GOLGA3: variants seen among roughly 807,000 people sequenced by gnomAD.
GOLGA3 encodes golgin A3.
GOLGA3 carries 75 observed loss-of-function variants against 169.4 expected under a neutral mutation model. That is an observed-to-expected ratio of 0.44 (90% CI 0.37 to 0.54). The LOEUF (loss-of-function observed/expected upper bound fraction) is 0.54. Among genes scored for constraint, GOLGA3 ranks in the 20% least tolerant of loss-of-function variants. GOLGA3 has a pLI of 0.00. For missense variants in GOLGA3, 1,899 were observed against 1,930.0 expected (o/e 0.98, Z 0.30); for synonymous variants, 824 against 822.4 (o/e 1.00, Z -0.03).
chr12:132,779,154 C>T (rs1233324321), intron 18 of GOLGA3, among the ~76,000 whole-genome samples: 2 of 152,086 alleles, frequency 1.3e-5, no homozygotes, highest in Non-Finnish European at 2.9e-5. Flanking sequence ...GATCTTGGCT[C>T]ACCACAACCT....
chr12:132,782,389 G>C lies in GOLGA3; in HGVS notation c.3372C>G (p.Leu1124=), dbSNP rs371259067. The change falls in exon 17 of 24, where the codon CTC becomes CTG. Residue 1124 remains leucine, a synonymous_variant. Transcript: ENST00000450791. ...LEHEKGKLTG[L]GQSNAALREH... The stretch of plus-strand genomic sequence containing the variant: ...CCCGCAGAGCTGCGTTGGACTGACC[G>C]AGGCCCGTAAGCTTCCCTTTCTCGT... The C allele has an allele frequency of 4.3e-6, 7 of 1,614,212 alleles. No homozygotes were observed. Among genetic ancestry groups the C allele is most frequent in the Non-Finnish European group, 5.1e-6 (6 of 1,180,016 alleles).
chr12:132,811,751 T>A (rs1949717904), intron 4 of GOLGA3: 16 of 253,940 alleles, frequency 6.3e-5, no homozygotes, highest in Non-Finnish European at 9.0e-5. Context: ...TGTGAGCCAC[T>A]GCACCCAGCC....
rs866008346 is a variant in GOLGA3, at chr12:132,808,195, C to T, written c.874G>A (p.Asp292Asn). ...GTGTTCTCCAGACGGTCGTCAGTGTCGGGGGACAGGCTGATCTCAGACACA... is the reference window on the plus strand; with the variant it reads ...GTGTTCTCCAGACGGTCGTCAGTGTTGGGGGACAGGCTGATCTCAGACACA... ...SVVSEISLSPDTDDRLENTSL... is the reference protein window; with the variant it reads ...SVVSEISLSPNTDDRLENTSL... The change falls in exon 5 of 24, where the codon GAC (aspartate) becomes AAC (asparagine). Residue 292 changes from aspartate (D) to asparagine (N), a missense_variant. Coordinates refer to ENST00000450791, the MANE Select transcript of GOLGA3 (RefSeq NM_001389683.1). 64 of 1,613,378 alleles carry T rather than the reference C, an allele frequency of 4.0e-5. No individual in the cohort carries two copies. In the East Asian group the frequency reaches 1.1e-3, roughly 27 times the overall value.
chr12:132,782,556 G>T (rs2045662373), intron 16 of GOLGA3, 63 bp from the exon 17 acceptor site: 1 of 1,298,470 alleles, frequency 7.7e-7, no homozygotes, highest in African/African-American at 1.5e-5. Context: ...ACATACCCCA[G>T]AAACAGGTGA....
At chr12:132,811,847 C>T (rs1395085210) in intron 4 of GOLGA3, 3 of 953,414 alleles carry the variant, frequency 3.1e-6, no homozygotes, top group South Asian at 9.7e-5. Context: ...TGAAGAGATC[C>T]TTTTGAAACA....
chr12:132,782,273 G>C (rs539934913), intron 17 of GOLGA3, 23 bp downstream of exon 17: 8 of 1,590,236 alleles, frequency 5.0e-6, no homozygotes, highest in African/African-American at 2.7e-5. Flanking sequence ...CGTTGCTGGC[G>C]TGAGTTTGAC....
rs779094845 is a variant in GOLGA3, at chr12:132,789,263, C to T, written c.2575G>A (p.Ala859Thr). Reference protein sequence around the residue: ...KVMVEAYRRDATSKDQLISEL... With the variant: ...KVMVEAYRRDTTSKDQLISEL... ...CTGATGAGCTGGTCTTTGGAGGTGG[C>T]GTCGCGCCGGTAGGCCTCCACCATC... The change falls in exon 13 of 24, where the codon GCC becomes ACC. Residue 859 changes from alanine (A) to threonine (T), a missense_variant. Physicochemically the swap from Ala to Thr is moderately conservative, Grantham distance 58. Coordinates refer to ENST00000450791, the MANE Select transcript of GOLGA3 (RefSeq NM_001389683.1). 2.9e-5 allele frequency: 46 copies of T among 1,601,752 alleles called. No individual in the cohort carries two copies. Among genetic ancestry groups the T allele is most frequent in the African/African-American group, 1.5e-4 (11 of 74,846 alleles).
intron 1 of GOLGA3, among the ~76,000 whole-genome samples, chr12:132,822,825 G>C (rs1304516064): frequency 6.6e-6 from 1 of 152,226 alleles, no homozygotes; most frequent in African/African-American, 2.4e-5. Flanking sequence ...GGGAGGCTGA[G>C]GCAGGAGAGT....
intron 15 of GOLGA3, among the ~76,000 whole-genome samples, chr12:132,785,196 C>G (rs2045832572): frequency 6.6e-6 from 1 of 152,220 alleles, no homozygotes; most frequent in Non-Finnish European, 1.5e-5. Context: ...GGGGCCAGCT[C>G]TGCCCGGCCT....
chr12:132,775,259 G>A lies in GOLGA3; in HGVS notation c.4025C>T (p.Thr1342Ile). The change falls in exon 22 of 24, where the codon ACC becomes ATC. Residue 1342 changes from threonine to isoleucine, a missense_variant. Physicochemically the swap from Thr to Ile is moderately conservative, Grantham distance 89. Coordinates refer to ENST00000450791, the MANE Select transcript of GOLGA3 (RefSeq NM_001389683.1). ...LEMAQEDLSM[T>I]QKDKFMLQAK... ...CTGGAGCATAAATTTATCCTTCTGGGTCATGGACAGGTCTTCCTGGGCCAT... is the reference window on the plus strand; with the variant it reads ...CTGGAGCATAAATTTATCCTTCTGGATCATGGACAGGTCTTCCTGGGCCAT... The A allele has an allele frequency of 6.2e-7, 1 of 1,613,926 alleles. No homozygotes were observed. Among genetic ancestry groups the A allele is most frequent in the Non-Finnish European group, 8.5e-7 (1 of 1,179,828 alleles).
rs1566059939 is a variant in GOLGA3 at position 132,772,555 on chromosome 12, A to AAAAC, written c.*549_*550insGTTT. 2 of 151,842 alleles carry AAAAC rather than the reference A, an allele frequency of 1.3e-5. No individual in the cohort carries two copies. Among genetic ancestry groups the AAAAC allele is most frequent in the African/African-American group, 2.4e-5 (1 of 41,350 alleles). 9.4% of individuals were successfully genotyped at this position (151,842 alleles called of 1,614,324 possible). On this transcript the variant is annotated 3_prime_UTR_variant, in exon 24 of 24. Coordinates refer to ENST00000450791, the MANE Select transcript of GOLGA3 (RefSeq NM_001389683.1). ...CGAGACTCTGTCTCAAAAAAAAAAA[A>AAAAC]AAAAAAAAAACAAAGATTGGATTAT...
Position 132,782,513 on chromosome 12 carries a change from C to T in GOLGA3, c.3268-20G>A, listed in dbSNP as rs2045659047. The T allele has an allele frequency of 6.3e-7, 1 of 1,589,330 alleles. No individual in the cohort carries two copies. ...TTGAAGCTGAAACATACCAATGTCA[C>T]TGTAAAATTACCTGCACTGGTGAGT... On this transcript the variant is annotated intron_variant, in intron 16 of 23. Transcript: ENST00000450791.
chr12:132,825,521 C>T (rs1950375353), intron 1 of GOLGA3, among the ~76,000 whole-genome samples: 2 of 152,214 alleles, frequency 1.3e-5, no homozygotes, highest in Non-Finnish European at 2.9e-5. Context: ...TCCTCTGCTA[C>T]AAAGCTAATG....
intron 22 of GOLGA3, chr12:132,774,913 A>G (rs1196193331): frequency 2.6e-5 from 15 of 569,274 alleles, no homozygotes; most frequent in Non-Finnish European, 4.0e-5. Flanking sequence ...GCACATTACA[A>G]CAAAGTGGTA....
chr12:132,780,813 G>A lies in GOLGA3; in HGVS notation c.3567C>T (p.Asn1189=), dbSNP rs1383070143. ...TGGCACGCACCTGCTCCTTGAGGCT[G>A]TTCACCTTCTCCTTCTCCTTCTCTA... The part of the protein sequence containing the change: ...ASLEKEKEKV[N]SLKEQVAAAK... Residue 1189 remains asparagine, a synonymous_variant, in exon 18 of 24, where the codon AAC becomes AAT. Coordinates refer to ENST00000450791, the MANE Select transcript of GOLGA3 (RefSeq NM_001389683.1). The A allele has an allele frequency of 6.2e-7, 1 of 1,608,164 alleles. No individual in the cohort carries two copies. The highest frequency in any genetic ancestry group is 1.7e-5 in the Admixed American group (1 of 60,020).
At position 132,779,801 on chromosome 12, in the gene GOLGA3, G is replaced by GCACACACGTGTGTGCA. The variant is rs1435059795; in HGVS notation, c.3582+981_3582+996dup. 1.2e-4 allele frequency among the ~76,000 whole-genome samples: 11 copies of GCACACACGTGTGTGCA among 92,054 alleles called. No homozygotes were observed. The East Asian group carries it at 3.6e-3, about 30-fold the overall frequency. The allele number at this position is 92,054 out of a possible 152,430, so 60.4% of individuals were successfully genotyped here. A position where few individuals can be genotyped will look rare whatever the true frequency, so the allele number is the denominator to read the frequency against. On this transcript the variant is annotated intron_variant, in intron 18 of 23. Transcript: ENST00000450791. ...CCCCGTGCACATACACACACCCCAG[G>GCACACACGTGTGTGCA]CACACACGTGTGTGCACACACACCA...
chr12:132,782,263 C>A, intron 17 of GOLGA3, 33 bp downstream of exon 17: 3 of 1,559,412 alleles, frequency 1.9e-6, no homozygotes, highest in Non-Finnish European at 2.7e-6. Flanking sequence ...ACTCTCACAC[C>A]GTTGCTGGCG....
intron 6 of GOLGA3, among the ~76,000 whole-genome samples, chr12:132,806,218 G>T (rs779086006): frequency 6.6e-6 from 1 of 152,224 alleles, no homozygotes; most frequent in Non-Finnish European, 1.5e-5. Context: ...CGATCTTGGT[G>T]TGGATGCAAC....
chr12:132,775,872 C>A (rs940075351), intron 21 of GOLGA3, among the ~76,000 whole-genome samples: 5 of 152,248 alleles, frequency 3.3e-5, no homozygotes, highest in Admixed American at 6.5e-5. Context: ...AGAAGTTTAT[C>A]GCAAATTGGC....
Sources: gnomAD v4.1 joint callset for allele counts (sites outside exome capture counted in the v4.1 genomes callset) on GRCh38, gnomAD v4.1.1 for gene constraint, MANE v1.5 for transcripts, NCBI Gene and HGNC (gene_info 2026-07-23, HGNC 2026-07-21) for gene names.